The following ABCC8 variants were observed in gnomAD, a reference collection of about 807,000 sequenced individuals.
ABCC8 encodes the protein ATP-binding cassette sub-family C member 8.
A neutral mutation model predicts 188.0 loss-of-function variants in ABCC8; 137 were observed. That is an observed-to-expected ratio of 0.73 (90% CI 0.63 to 0.84). The LOEUF is 0.84. Ranked by LOEUF, ABCC8 falls within the 40% of genes least tolerant of loss-of-function variation. ABCC8 has a pLI of 0.00. For missense variants in ABCC8, 1,750 were observed against 2,072.7 expected (o/e 0.84, Z 3.02); for synonymous variants, 797 against 846.5 (o/e 0.94, Z 1.01).
Position 17,443,246 on chromosome 11 carries a change from T to A in ABCC8, c.1399A>T (p.Ile467Phe). 6.2e-7 allele frequency: 1 copy of A among 1,614,172 alleles called. No homozygotes were observed. Among genetic ancestry groups the A allele is most frequent in the Non-Finnish European group, 8.5e-7 (1 of 1,180,040 alleles). The change falls in exon 9 of 39, where the codon ATC (isoleucine) becomes TTC (phenylalanine). Residue 467 changes from isoleucine (I) to phenylalanine (F), a missense_variant. Transcript: ENST00000389817. ...GVSALIGAAVIILLAPVQYFV... is the reference protein window; with the variant it reads ...GVSALIGAAVFILLAPVQYFV... ...TACTGGACAGGAGCCAGTAGAATGA[T>A]GACAGCTGCTCCAATTAAGGCACTG...
intron 10 of ABCC8, among the ~76,000 whole-genome samples, chr11:17,437,597 A>G (rs1194681997): frequency 6.6e-6 from 1 of 152,230 alleles, no homozygotes; most frequent in Non-Finnish European, 1.5e-5. Context: ...AGTGCAGTCA[A>G]CAGAGGGGGA....
At chr11:17,402,018 C>T (rs1954268533) in intron 29 of ABCC8, among the ~76,000 whole-genome samples, 1 of 152,226 alleles carries the variant, frequency 6.6e-6, no homozygotes, top group Admixed American at 6.5e-5. Flanking sequence ...GTGGATTTAT[C>T]CTGGCCTGCT....
At chr11:17,452,402 A>C (rs1288239537) in intron 7 of ABCC8, among the ~76,000 whole-genome samples, 2 of 152,208 alleles carry the variant, frequency 1.3e-5, no homozygotes, top group Non-Finnish European at 2.9e-5. Context: ...CGTGGAAGAC[A>C]ATTTTTCCAT....
chr11:17,407,430 G>A lies in ABCC8; in HGVS notation c.2844C>T (p.Ala948=). The part of the protein sequence containing the change: ...LEKETVTERK[A]TEPPQGLSRA... Reference sequence around the variant, plus strand: ...GAGATAGGCCCTGGGGTGGCTCTGTGGCTTTTCTCTCTGTGACAGTCTCCT... The same window carrying A: ...GAGATAGGCCCTGGGGTGGCTCTGTAGCTTTTCTCTCTGTGACAGTCTCCT... Residue 948 remains alanine, a synonymous_variant, in exon 24 of 39, where the codon GCC becomes GCT. Transcript: ENST00000389817. The A allele has an allele frequency of 6.2e-7, 1 of 1,614,164 alleles. No homozygotes were observed. Among genetic ancestry groups the A allele is most frequent in the Non-Finnish European group, 8.5e-7 (1 of 1,180,046 alleles).
chr11:17,471,372 G>C (rs940346536), intron 2 of ABCC8, among the ~76,000 whole-genome samples: 2 of 152,228 alleles, frequency 1.3e-5, no homozygotes, highest in African/African-American at 4.8e-5. Flanking sequence ...GAGTTCAACA[G>C]AGAAGGAGGA....
At chr11:17,466,427 C>A (rs760485226) in intron 3 of ABCC8, among the ~76,000 whole-genome samples, 32 of 147,950 alleles carry the variant, frequency 2.2e-4, no homozygotes, top group Non-Finnish European at 3.3e-4. Flanking sequence ...AAAGACAGTG[C>A]ATGATGCCGC....
rs368435632 is a variant in ABCC8 at position 17,453,111 on chromosome 11, C to G, written c.1176+8G>C. ...TATGGCAAAGTGAAAAAATAATCAT[C>G]CAAGTACCTGTATTGCTCCTCTCAA... is the stretch of plus-strand genomic sequence containing the variant. On this transcript the variant is annotated splice_region_variant and intron_variant, in intron 7 of 38. Coordinates refer to ENST00000389817, the MANE Select transcript of ABCC8 (RefSeq NM_000352.6). 3.7e-6 allele frequency: 6 copies of G among 1,608,196 alleles called. No homozygotes were observed. Among genetic ancestry groups the G allele is most frequent in the Non-Finnish European group, 5.1e-6 (6 of 1,174,658 alleles).
chr11:17,399,275 C>CAAAAAAAAAAAAAAAAAAAAAAAAAAA (rs57138230), intron 29 of ABCC8, among the ~76,000 whole-genome samples: 1 of 58,546 alleles, frequency 1.7e-5, no homozygotes, highest in Non-Finnish European at 2.8e-5. Flanking sequence ...GACTCTGCCT[C>CAAAAAAAAAAAAAAAAAAAAAAAAAAA]AAAAAAAAAA....
chr11:17,395,585 G>A (rs1433368162), intron 35 of ABCC8, 25 bp downstream of exon 35: 1 of 1,545,356 alleles, frequency 6.5e-7, no homozygotes, highest in Non-Finnish European at 8.7e-7. Flanking sequence ...GGGGCTGGGT[G>A]GGCCTGAGGG....
intron 20 of ABCC8, chr11:17,413,046 G>A (rs1038771954): frequency 6.3e-6 from 4 of 633,508 alleles, no homozygotes; most frequent in South Asian, 2.0e-5. Context: ...AGTCACAGGA[G>A]AATCCTGTTC....
chr11:17,393,308 C>T, intron 38 of ABCC8, 180 bp from the exon 39 acceptor site: 1 of 821,982 alleles, frequency 1.2e-6, no homozygotes, highest in Non-Finnish European at 1.9e-6. Flanking sequence ...TCTCCATCTG[C>T]TAATACCACC....
At chr11:17,430,634 C>T (rs563214163) in intron 12 of ABCC8, 180 bp downstream of exon 12, 17 of 757,946 alleles carry the variant, frequency 2.2e-5, no homozygotes, top group South Asian at 7.3e-5. Flanking sequence ...TCAGGGATGG[C>T]GAGCTGGGAA....
At chr11:17,474,842 C>A (rs2133728032) in intron 2 of ABCC8, 44 bp downstream of exon 2, 3 of 1,602,292 alleles carry the variant, frequency 1.9e-6, no homozygotes, top group South Asian at 2.2e-5. Flanking sequence ...CAGGAAGTAC[C>A]CTGGAGCAGA....
At chr11:17,406,284 G>A (rs1170496929) in intron 26 of ABCC8, among the ~76,000 whole-genome samples, 1 of 152,138 alleles carries the variant, frequency 6.6e-6, no homozygotes, top group African/African-American at 2.4e-5. Flanking sequence ...GTGAGGGGAG[G>A]GCAGGGAGCT....
In ABCC8 at chr11:17,395,602, G is replaced by C. The variant is rs1448472548; in HGVS notation, c.4307+8C>G. 3 of 1,548,468 alleles carry C rather than the reference G, an allele frequency of 1.9e-6. No individual in the cohort carries two copies. The Admixed American group carries it at 5.9e-5, about 30-fold the overall frequency. On this transcript the variant is annotated splice_region_variant and intron_variant, in intron 35 of 38. Coordinates refer to ENST00000389817, the MANE Select transcript of ABCC8 (RefSeq NM_000352.6). The stretch of plus-strand genomic sequence containing the variant: ...GGCTGGGTGGGCCTGAGGGGTGGTG[G>C]GGCTCACCGGATGGTGCCGCTGAAG...
chr11:17,396,829 G>T, intron 33 of ABCC8, 87 bp downstream of exon 33: 1 of 1,548,288 alleles, frequency 6.5e-7, no homozygotes, highest in Middle Eastern at 1.9e-4. Flanking sequence ...AGGGCCACGA[G>T]GTGACTGCGA....
chr11:17,428,382 CT>C lies in ABCC8; in HGVS notation c.1946del (p.Lys649SerfsTer60). The C allele has an allele frequency of 6.2e-7, 1 of 1,613,808 alleles. No homozygotes were observed. The highest frequency in any genetic ancestry group is 1.3e-5 in the African/African-American group (1 of 74,994). On this transcript the variant is annotated frameshift_variant, in exon 14 of 39. Transcript: ENST00000389817. LOFTEE classifies it high-confidence loss of function. ...CCCGACAATCCTCCCGGGCTGGACG[CT>C]TGCGGTTCACAACCCTGAGGGGCTG... The part of the protein sequence containing the change: ...QAVPLRVVNR[K>X]RPAREDCRGL...
intron 16 of ABCC8, 181 bp from the exon 17 acceptor site, chr11:17,417,143 G>A: frequency 4.7e-6 from 4 of 845,790 alleles, no homozygotes; most frequent in Non-Finnish European, 5.7e-6. Flanking sequence ...CCCTCCCACA[G>A]CACCTGGATG....
intron 16 of ABCC8, among the ~76,000 whole-genome samples, chr11:17,419,605 A>C (rs887208526): frequency 1.3e-5 from 2 of 152,242 alleles, no homozygotes; most frequent in Non-Finnish European, 2.9e-5. Flanking sequence ...TGTAATGTGC[A>C]TTCTTTTAGA....
Sources: gnomAD v4.1 joint callset for allele counts (sites outside exome capture counted in the v4.1 genomes callset) on GRCh38, gnomAD v4.1.1 for gene constraint, MANE v1.5 for transcripts, NCBI Gene and HGNC (gene_info 2026-07-23, HGNC 2026-07-21) for gene names.